PBRM1: variants seen among roughly 807,000 people sequenced by gnomAD.
PBRM1 encodes polybromo 1.
In PBRM1, 27 loss-of-function variants were observed where a neutral mutation model predicts 194.5. The observed-to-expected ratio is 0.14, with a 90% CI of 0.10 to 0.19. The LOEUF is 0.19. Among genes scored for constraint, PBRM1 ranks in the 10% least tolerant of loss-of-function variants. PBRM1 has a pLI of 1.00. For missense variants in PBRM1, 1,466 were observed against 2,077.2 expected (o/e 0.71, Z 5.72); for synonymous variants, 655 against 693.2 (o/e 0.94, Z 0.87).
chr3:52,563,380 C>T, exon 24 of PBRM1: 2 of 1,613,944 alleles, frequency 1.2e-6, no homozygotes, highest in Non-Finnish European at 1.7e-6. Flanking sequence ...ATCTTCTTCT[C>T]CCATCTCTTC....
At position 52,550,825 on chromosome 3, in the gene PBRM1, T is replaced by C; in HGVS notation, c.4610-8A>G. The stretch of plus-strand genomic sequence containing the variant: ...CTCCTTGGTTCATCACACCTATAAT[T>C]CAGAATGCAATGGCACAGTTAGAGG... On this transcript the variant is annotated splice_region_variant and splice_polypyrimidine_tract_variant and intron_variant, in intron 27 of 29. Transcript: ENST00000296302. The C allele has an allele frequency of 6.3e-7, 1 of 1,592,154 alleles. No homozygotes were observed. The highest frequency in any genetic ancestry group is 1.7e-5 in the Admixed American group (1 of 59,852).
chr3:52,620,535 C>T (rs2153522180), intron 13 of PBRM1, among the ~76,000 whole-genome samples: 1 of 152,274 alleles, frequency 6.6e-6, no homozygotes, highest in South Asian at 2.1e-4. Flanking sequence ...TATGAAGCTG[C>T]AAATACTCTC....
At chr3:52,630,998 A>G (rs2095600402) in intron 11 of PBRM1, among the ~76,000 whole-genome samples, 1 of 152,224 alleles carries the variant, frequency 6.6e-6, no homozygotes, top group Non-Finnish European at 1.5e-5. Flanking sequence ...AACATCTGCA[A>G]GACTATCACT....
At chr3:52,585,710 A>G (rs971127107) in intron 20 of PBRM1, 8 of 151,812 alleles carry the variant, frequency 5.3e-5, no homozygotes, top group African/African-American at 1.9e-4. Flanking sequence ...TTTTTAGTAG[A>G]GACAGGGTTT....
At chr3:52,652,409 C>T (rs1425970263) in intron 5 of PBRM1, among the ~76,000 whole-genome samples, 1 of 150,260 alleles carries the variant, frequency 6.7e-6, no homozygotes, top group East Asian at 2.0e-4. Flanking sequence ...AAATTCTAGG[C>T]AGGGCACGGT....
chr3:52,605,492 A>G (rs1276560255), intron 16 of PBRM1, among the ~76,000 whole-genome samples: 1 of 152,176 alleles, frequency 6.6e-6, no homozygotes, highest in Non-Finnish European at 1.5e-5. Context: ...ATGCCACTAG[A>G]GCATCAAACT....
At chr3:52,584,983 G>A (rs913163926) in intron 20 of PBRM1, among the ~76,000 whole-genome samples, 1 of 151,984 alleles carries the variant, frequency 6.6e-6, no homozygotes, top group Non-Finnish European at 1.5e-5. Context: ...ATCAAGATGG[G>A]TTCTCTACCA....
intron 7 of PBRM1, among the ~76,000 whole-genome samples, chr3:52,646,953 T>C (rs1332911568): frequency 6.6e-6 from 1 of 152,058 alleles, no homozygotes; most frequent in Non-Finnish European, 1.5e-5. Flanking sequence ...ACAGACACAA[T>C]CACAAAAGTG....
intron 4 of PBRM1, among the ~76,000 whole-genome samples, chr3:52,660,019 A>G (rs951922067): frequency 6.6e-6 from 1 of 152,226 alleles, no homozygotes; most frequent in African/African-American, 2.4e-5. Context: ...TGAACCCAAG[A>G]GGTGGAGGTT....
chr3:52,643,369 T>C, intron 8 of PBRM1, 26 bp from the exon 10 acceptor site: 4 of 1,495,854 alleles, frequency 2.7e-6, no homozygotes, highest in Non-Finnish European at 3.7e-6. Flanking sequence ...ATAAAAAGCT[T>C]AGAAACTTGG....
chr3:52,635,916 T>C (rs561853790), intron 10 of PBRM1, among the ~76,000 whole-genome samples: 1 of 152,072 alleles, frequency 6.6e-6, no homozygotes, highest in Non-Finnish European at 1.5e-5. Context: ...CAGGCTGGAG[T>C]GCAGTGGCGT....
downstream of PBRM1, chr3:52,546,496 CTT>C (rs2079694770): frequency 4.4e-6 from 1 of 229,712 alleles, no homozygotes; most frequent in African/African-American, 2.2e-5. Context: ...ATACAAGAGA[CTT>C]TTTTCCATTC....
intron 27 of PBRM1, among the ~76,000 whole-genome samples, chr3:52,551,389 T>TA (rs1388962889): frequency 2.0e-5 from 3 of 152,198 alleles, no homozygotes; most frequent in Admixed American, 2.0e-4. Context: ...TTCCATCTGA[T>TA]AGAGTAGCAC....
intron 26 of PBRM1, 133 bp downstream of exon 28, chr3:52,558,116 C>A (rs2082605564): frequency 1.5e-6 from 1 of 648,704 alleles, no homozygotes; most frequent in Non-Finnish European, 2.5e-6. Flanking sequence ...CAATATAGGA[C>A]AACATGGATG....
intron 27 of PBRM1, 116 bp downstream of exon 29, chr3:52,554,608 A>T: frequency 2.5e-6 from 2 of 815,268 alleles, no homozygotes; most frequent in Non-Finnish European, 1.9e-6. Context: ...TTGGATTCTC[A>T]GGGAGGGAAG....
upstream of PBRM1, among the ~76,000 whole-genome samples, chr3:52,684,172 A>C (rs2097267844): frequency 3.5e-5 from 2 of 57,228 alleles, no homozygotes; most frequent in Non-Finnish European, 4.4e-5. Context: ...TGTCTCAAAA[A>C]AAAAAAAAAA....
chr3:52,588,977 G>T, intron 18 of PBRM1, 93 bp downstream of exon 20: 1 of 815,842 alleles, frequency 1.2e-6, no homozygotes, highest in Non-Finnish European at 2.1e-6. Flanking sequence ...AAAGGCTTAA[G>T]ATGTCTGAGT....
rs769836175 is a variant in PBRM1, at chr3:52,578,979, C to T, written c.3533+75G>A. ...CAGGGGAAGGACTTTTGTCTTCATCCGAAGGGTGACTAATTTCTACTGGTT... is the reference window on the plus strand; with the variant it reads ...CAGGGGAAGGACTTTTGTCTTCATCTGAAGGGTGACTAATTTCTACTGGTT... On this transcript the variant is annotated intron_variant, in intron 21 of 29. Transcript: ENST00000296302. The T allele has an allele frequency of 1.3e-5, 19 of 1,428,366 alleles. 1 individual carries two copies. The highest frequency in any genetic ancestry group is 3.5e-4 in the Middle Eastern group (2 of 5,716). 88.5% of individuals were successfully genotyped at this position (1,428,366 alleles called of 1,614,324 possible).
chr3:52,606,264 C>G (rs2153384811), intron 16 of PBRM1, among the ~76,000 whole-genome samples: 1 of 152,154 alleles, frequency 6.6e-6, no homozygotes, highest in East Asian at 1.9e-4. Flanking sequence ...CCACCTTGGG[C>G]TCCAAAAGTG....
Sources: allele counts gnomAD v4.1 joint callset (sites outside exome capture counted in the v4.1 genomes callset), GRCh38; gene constraint gnomAD v4.1.1; transcripts MANE v1.5; gene names NCBI Gene and HGNC (gene_info 2026-07-23, HGNC 2026-07-21).